GRIK2: variants seen among roughly 807,000 people sequenced by gnomAD.
The protein encoded by GRIK2 is glutamate receptor ionotropic, kainate 2.
In GRIK2, 32 loss-of-function variants were observed where a neutral mutation model predicts 100.3. The observed-to-expected ratio is 0.32, with a 90% CI of 0.24 to 0.43. GRIK2 has a LOEUF of 0.43. Ranked by LOEUF, GRIK2 falls within the 20% of genes least tolerant of loss-of-function variation. The pLI is 1.00. For synonymous variants in GRIK2, 417 were observed against 389.4 expected, an observed-to-expected ratio of 1.07 and a Z score of -0.83; for missense variants, 843 against 1,114.9, an observed-to-expected ratio of 0.76 and a Z score of 3.47.
At chr6:101,609,627 T>C (rs1658543327) in intron 2 of GRIK2, among the ~76,000 whole-genome samples, 1 of 151,942 alleles carries the variant, frequency 6.6e-6, no homozygotes, top group Non-Finnish European at 1.5e-5. Flanking sequence ...AACTTCATTT[T>C]GTTTTAATAC....
At chr6:101,451,497 G>A (rs571303524) in intron 2 of GRIK2, among the ~76,000 whole-genome samples, 1 of 151,558 alleles carries the variant, frequency 6.6e-6, no homozygotes, top group East Asian at 1.9e-4. Flanking sequence ...CTAATTATGT[G>A]GAATTTATTT....
intron 7 of GRIK2, among the ~76,000 whole-genome samples, chr6:101,778,228 G>A (rs904686327): frequency 1.8e-4 from 28 of 152,070 alleles, no homozygotes; most frequent in African/African-American, 6.5e-4. Flanking sequence ...GAAGAAAGAA[G>A]ATACAAATTA....
At chr6:101,531,884 A>G (rs2128284980) in intron 2 of GRIK2, among the ~76,000 whole-genome samples, 1 of 151,878 alleles carries the variant, frequency 6.6e-6, no homozygotes, top group East Asian at 1.9e-4. Flanking sequence ...ATGATCTCCT[A>G]CTGCTACTCG....
At chr6:102,064,972 TA>T (rs1295473638) in intron 16 of GRIK2, among the ~76,000 whole-genome samples, 1 of 151,416 alleles carries the variant, frequency 6.6e-6, no homozygotes, top group East Asian at 1.9e-4. Context: ...CGTCTCACAG[TA>T]ACTTTATCAA....
chr6:101,933,544 C>T (rs1162559742), intron 14 of GRIK2, among the ~76,000 whole-genome samples: 1 of 151,802 alleles, frequency 6.6e-6, no homozygotes. Flanking sequence ...AATATTTTCC[C>T]CTGTATTCAT....
chr6:102,025,782 A>C (rs1169252962), intron 14 of GRIK2, among the ~76,000 whole-genome samples: 2 of 151,234 alleles, frequency 1.3e-5, no homozygotes, highest in Non-Finnish European at 3.0e-5. Flanking sequence ...ACGCACACAC[A>C]GTGCGTGGCA....
At chr6:102,067,800 C>A (rs1414316192) in intron 16 of GRIK2, among the ~76,000 whole-genome samples, 1 of 151,820 alleles carries the variant, frequency 6.6e-6, no homozygotes, top group Admixed American at 6.6e-5. Flanking sequence ...TTTCTATAGG[C>A]ATAATCACAA....
intron 7 of GRIK2, among the ~76,000 whole-genome samples, chr6:101,784,458 G>A (rs1404660809): frequency 6.6e-6 from 1 of 152,190 alleles, no homozygotes; most frequent in Non-Finnish European, 1.5e-5. Flanking sequence ...TGGATTTTTA[G>A]GTTAATGCTG....
At chr6:101,741,600 G>C (rs895700218) in intron 7 of GRIK2, among the ~76,000 whole-genome samples, 7 of 152,114 alleles carry the variant, frequency 4.6e-5, no homozygotes, top group Admixed American at 6.5e-5. Context: ...AGTTTATTGG[G>C]CTTTTTGATG....
intron 11 of GRIK2, among the ~76,000 whole-genome samples, chr6:101,861,751 T>C (rs1024848106): frequency 5.9e-5 from 9 of 152,116 alleles, no homozygotes; most frequent in Non-Finnish European, 1.2e-4. Context: ...ATTTCGCAAA[T>C]TTGAATTACA....
intron 10 of GRIK2, 69 bp downstream of exon 10, chr6:101,818,552 T>A: frequency 1.2e-6 from 1 of 838,278 alleles, no homozygotes; most frequent in Non-Finnish European, 2.0e-6. Context: ...GAAAAGGACA[T>A]TATAATTGGA....
At chr6:101,961,402 C>G (rs902299868) in intron 14 of GRIK2, among the ~76,000 whole-genome samples, 2 of 152,154 alleles carry the variant, frequency 1.3e-5, no homozygotes, top group Middle Eastern at 3.4e-3. Flanking sequence ...AGTGGGAGTG[C>G]AACTCCTCCT....
intron 2 of GRIK2, among the ~76,000 whole-genome samples, chr6:101,407,874 G>A (rs965905805): frequency 4.6e-5 from 7 of 152,054 alleles, no homozygotes; most frequent in Non-Finnish European, 7.4e-5. Context: ...AGATTATTGC[G>A]GGCTTAAGTT....
intron 4 of GRIK2, among the ~76,000 whole-genome samples, chr6:101,659,467 T>A (rs1183129365): frequency 6.6e-6 from 1 of 152,198 alleles, no homozygotes; most frequent in African/African-American, 2.4e-5. Flanking sequence ...TTTGTTCTTT[T>A]TGCTTACATT....
intron 4 of GRIK2, among the ~76,000 whole-genome samples, chr6:101,640,172 T>C (rs919379452): frequency 6.6e-6 from 1 of 152,168 alleles, no homozygotes; most frequent in African/African-American, 2.4e-5. Flanking sequence ...CTGTTAAAAC[T>C]AAAGATTCCT....
At chr6:101,879,401 T>C (rs949950604) in intron 11 of GRIK2, among the ~76,000 whole-genome samples, 4 of 151,994 alleles carry the variant, frequency 2.6e-5, no homozygotes, top group African/African-American at 9.7e-5. Flanking sequence ...CACTTTCTGA[T>C]CACAATTACA....
chr6:101,853,381 A>G (rs1350754470), intron 10 of GRIK2, among the ~76,000 whole-genome samples: 2 of 152,230 alleles, frequency 1.3e-5, no homozygotes, highest in Non-Finnish European at 1.5e-5. Context: ...TAAAACAACA[A>G]TGAGACATCA....
intron 2 of GRIK2, among the ~76,000 whole-genome samples, chr6:101,526,224 A>G (rs1248269494): frequency 6.6e-6 from 1 of 152,142 alleles, no homozygotes; most frequent in East Asian, 1.9e-4. Flanking sequence ...AATATTATTA[A>G]TAGGGTATTG....
At chr6:101,841,653 C>T (rs1783511893) in intron 10 of GRIK2, among the ~76,000 whole-genome samples, 1 of 152,086 alleles carries the variant, frequency 6.6e-6, no homozygotes, top group Non-Finnish European at 1.5e-5. Context: ...CGTGAGCCAC[C>T]CCGCCCAGCC....
Sources: gnomAD v4.1 joint callset for allele counts (sites outside exome capture counted in the v4.1 genomes callset) on GRCh38, gnomAD v4.1.1 for gene constraint, MANE v1.5 for transcripts, NCBI Gene and HGNC (gene_info 2026-07-23, HGNC 2026-07-21) for gene names.